Variants in TECTA observed in about 807,000 individuals in gnomAD.
TECTA encodes alpha-tectorin.
In TECTA, 128 loss-of-function variants were observed where a neutral mutation model predicts 216.8. That is an observed-to-expected ratio of 0.59 (90% confidence interval 0.51 to 0.68). The LOEUF is 0.68. Among genes scored for constraint, TECTA ranks in the 30% least tolerant of loss-of-function variants. TECTA has a pLI of 0.00. For missense variants in TECTA, 2,551 were observed against 2,786.2 expected (o/e 0.92, Z 1.90); for synonymous variants, 1,089 against 1,117.1 (o/e 0.97, Z 0.50).
At chr11:121,173,174 G>T (rs1186550391) in intron 20 of TECTA, among the ~76,000 whole-genome samples, 1 of 152,052 alleles carries the variant, frequency 6.6e-6, no homozygotes, top group African/African-American at 2.4e-5. Context: ...CTTTTGCTGT[G>T]CAGAAGCTCT....
At position 121,191,050 on chromosome 11, in the gene TECTA, C is replaced by T; in HGVS notation, c.*244C>T. ...ATCTCTCTTGTGTAAAATTCCCAAA[C>T]AGTTGTCACTAGAGACTTTGGTTCA... is the stretch of plus-strand genomic sequence containing the variant. On this transcript the variant is annotated 3_prime_UTR_variant, in exon 24 of 24. Transcript: ENST00000392793. 1 of 417,062 alleles carries T rather than the reference C, an allele frequency of 2.4e-6. No individual in the cohort carries two copies. The highest frequency in any genetic ancestry group is 4.5e-6 in the Non-Finnish European group (1 of 222,456). 25.8% of individuals were successfully genotyped at this position (417,062 alleles called of 1,614,324 possible). A position where few individuals can be genotyped will look rare whatever the true frequency, so the allele number is the denominator to read the frequency against.
At chr11:121,103,093 G>C (rs1194792868) in intron 2 of TECTA, among the ~76,000 whole-genome samples, 1 of 152,156 alleles carries the variant, frequency 6.6e-6, no homozygotes, top group Non-Finnish European at 1.5e-5. Flanking sequence ...TTGTGGTGGA[G>C]ACTTTAAAGA....
At chr11:121,160,092 C>G (rs774983756) in intron 14 of TECTA, 43 bp from the exon 15 acceptor site, 1 of 1,613,852 alleles carries the variant, frequency 6.2e-7, no homozygotes, top group Non-Finnish European at 8.5e-7. Context: ...TTTGCCAACA[C>G]CTACTCTAAG....
At chr11:121,168,654 T>C in intron 19 of TECTA, 23 bp from the exon 20 acceptor site, 1 of 1,614,116 alleles carries the variant, frequency 6.2e-7, no homozygotes, top group Non-Finnish European at 8.5e-7. Flanking sequence ...TGGATTCCTG[T>C]CTCATAATTG....
rs1437578355 is a variant in TECTA, at chr11:121,118,998, C to CACACACACACAA, written c.1203+291_1203+292insAACACACACACA. Reference sequence around the variant, plus strand: ...TCCCTCATAAACACTGATAGGCACACACACACACACACACACACACACACA... The same window carrying CACACACACACAA: ...TCCCTCATAAACACTGATAGGCACACACACACACACAAACACACACACACACACACACACACA... On this transcript the variant is annotated intron_variant, in intron 7 of 23. Coordinates refer to ENST00000392793, the MANE Select transcript of TECTA (RefSeq NM_005422.4). Among the ~76,000 whole-genome samples the CACACACACACAA allele has an allele frequency of 3.4e-3, 160 of 46,854 alleles. 2 individuals are homozygous for CACACACACACAA. Among genetic ancestry groups the CACACACACACAA allele is most frequent in the Admixed American group, 9.6e-3 (43 of 4,502 alleles). 30.7% of individuals were successfully genotyped at this position (46,854 alleles called of 152,430 possible). A position where few individuals can be genotyped will look rare whatever the true frequency, so the allele number is the denominator to read the frequency against.
At chr11:121,119,307 T>G (rs1399228585) in intron 7 of TECTA, among the ~76,000 whole-genome samples, 1 of 152,148 alleles carries the variant, frequency 6.6e-6, no homozygotes, top group East Asian at 1.9e-4. Context: ...ACTTCCTTAG[T>G]GAGGCTTGGG....
intron 15 of TECTA, 27 bp downstream of exon 15, chr11:121,160,448 A>G (rs368928842): frequency 1.2e-5 from 19 of 1,604,096 alleles, no homozygotes; most frequent in Non-Finnish European, 1.6e-5. Context: ...TCAAGCCACT[A>G]GACTTGGTGG....
intron 4 of TECTA, 37 bp downstream of exon 4, chr11:121,109,535 C>A: frequency 3.1e-6 from 5 of 1,611,902 alleles, no homozygotes; most frequent in Non-Finnish European, 4.2e-6. Context: ...ACTTCATAAC[C>A]TGACATCTAA....
intron 2 of TECTA, among the ~76,000 whole-genome samples, chr11:121,104,748 T>C (rs1454732067): frequency 6.6e-6 from 1 of 151,752 alleles, no homozygotes; most frequent in African/African-American, 2.4e-5. Flanking sequence ...AGGCCCGACA[T>C]GAGAATGGGG....
intron 20 of TECTA, among the ~76,000 whole-genome samples, chr11:121,169,642 A>C (rs971287146): frequency 2.0e-5 from 3 of 152,228 alleles, no homozygotes; most frequent in African/African-American, 7.2e-5. Context: ...GTTTTTGGTA[A>C]ATTTGCAGAG....
At chr11:121,131,067 A>T (rs1410552334) in intron 10 of TECTA, among the ~76,000 whole-genome samples, 1 of 151,990 alleles carries the variant, frequency 6.6e-6, no homozygotes, top group Admixed American at 6.5e-5. Flanking sequence ...ACAAAAAATT[A>T]GCCGGGCGTG....
rs1947010986 is a variant in TECTA at position 121,162,449 on chromosome 11, G to A, written c.5272+79G>A. ...TTGCTGGTAGCATTGCTTTTTCTAG[G>A]GATGACTGGTCCTCTCCAGATTTAC... On this transcript the variant is annotated intron_variant, in intron 16 of 23. Coordinates refer to ENST00000392793, the MANE Select transcript of TECTA (RefSeq NM_005422.4). 2.0e-6 allele frequency: 3 copies of A among 1,491,754 alleles called. No homozygotes were observed. In the East Asian group the frequency reaches 7.2e-5, roughly 36 times the overall value. 92.4% of individuals were successfully genotyped at this position (1,491,754 alleles called of 1,614,324 possible).
chr11:121,128,285 C>T lies in TECTA; in HGVS notation c.2308C>T (p.Arg770Trp), dbSNP rs727503458. Residue 770 changes from arginine to tryptophan, a missense_variant, in exon 9 of 24, where the codon CGG becomes TGG. Arg to Trp is a moderately radical substitution (Grantham distance 101). Transcript: ENST00000392793. ...AGGACCTGCTTGGCTGCGGGGACTTCGGATCCTGGTGGCCGACCAGGAGGT... is the reference window on the plus strand; with the variant it reads ...AGGACCTGCTTGGCTGCGGGGACTTTGGATCCTGGTGGCCGACCAGGAGGT... Reference protein sequence around the residue: ...DAGPAWLRGLRILVADQEVKI... With the variant: ...DAGPAWLRGLWILVADQEVKI... The T allele has an allele frequency of 6.3e-7, 1 of 1,599,708 alleles. No individual in the cohort carries two copies. Among genetic ancestry groups the T allele is most frequent in the Non-Finnish European group, 8.5e-7 (1 of 1,179,934 alleles).
intron 20 of TECTA, among the ~76,000 whole-genome samples, chr11:121,171,897 T>C (rs1591465854): frequency 6.6e-6 from 1 of 152,174 alleles, no homozygotes; most frequent in African/African-American, 2.4e-5. Context: ...TTGGATGTCT[T>C]TTATTTTTCT....
intron 21 of TECTA, among the ~76,000 whole-genome samples, chr11:121,188,625 G>T (rs1328472087): frequency 6.6e-6 from 1 of 152,194 alleles, no homozygotes; most frequent in Non-Finnish European, 1.5e-5. Flanking sequence ...TACGGGCTGG[G>T]TCCTTAAGAT....
In TECTA at chr11:121,118,599, A is replaced by T. The variant is rs779123206; in HGVS notation, c.1084A>T (p.Ser362Cys). ...GCAGACTTCCAGCCTCCCTTTCTTCAGTGTGGAGGCCAAGAATGAACACCG... is the reference window on the plus strand; with the variant it reads ...GCAGACTTCCAGCCTCCCTTTCTTCTGTGTGGAGGCCAAGAATGAACACCG... ...CLQTSSLPFF[S>C]VEAKNEHRRG... Residue 362 changes from serine (S) to cysteine (C), a missense_variant, in exon 7 of 24, where the codon AGT becomes TGT. Coordinates refer to ENST00000392793, the MANE Select transcript of TECTA (RefSeq NM_005422.4). 10 of 1,613,810 alleles carry T rather than the reference A, an allele frequency of 6.2e-6. No individual in the cohort carries two copies. The Admixed American group carries it at 1.2e-4, about 19-fold the overall frequency.
In TECTA at chr11:121,118,995, A is replaced by G. The variant is rs1261075096; in HGVS notation, c.1203+277A>G. Among the ~76,000 whole-genome samples the G allele has an allele frequency of 9.6e-5, 4 of 41,810 alleles. No individual in the cohort carries two copies. In the East Asian group the frequency reaches 1.6e-3, roughly 17 times the overall value. The allele number at this position is 41,810 out of a possible 152,430, so 27.4% of individuals were successfully genotyped here. A position where few individuals can be genotyped will look rare whatever the true frequency, so the allele number is the denominator to read the frequency against. On this transcript the variant is annotated intron_variant, in intron 7 of 23. Coordinates refer to ENST00000392793, the MANE Select transcript of TECTA (RefSeq NM_005422.4). ...AGTTCCCTCATAAACACTGATAGGC[A>G]CACACACACACACACACACACACAC...
In TECTA at chr11:121,157,825, G is replaced by A. The variant is rs1471073676; in HGVS notation, c.4306-16G>A. ...ACCACAGTCTGAATTTAATGCAAAC[G>A]GCGCCTCTCTTCCAGCCCAAGCAGC... On this transcript the variant is annotated splice_polypyrimidine_tract_variant and intron_variant, in intron 13 of 23. Transcript: ENST00000392793. 6.2e-7 allele frequency: 1 copy of A among 1,613,240 alleles called. No homozygotes were observed. Among genetic ancestry groups the A allele is most frequent in the Admixed American group, 1.7e-5 (1 of 60,032 alleles).
At chr11:121,131,694 C>T (rs1415258293) in intron 10 of TECTA, among the ~76,000 whole-genome samples, 1 of 152,216 alleles carries the variant, frequency 6.6e-6, no homozygotes, top group East Asian at 1.9e-4. Context: ...TATGATGTCT[C>T]TGTAGACGCC....
Sources: gnomAD v4.1 joint callset for allele counts (sites outside exome capture counted in the v4.1 genomes callset) on GRCh38, gnomAD v4.1.1 for gene constraint, MANE v1.5 for transcripts, NCBI Gene and HGNC (gene_info 2026-07-23, HGNC 2026-07-21) for gene names.